EPB41L4A: variants seen among roughly 807,000 people sequenced by gnomAD.
The protein encoded by EPB41L4A is band 4.1-like protein 4A.
Under a neutral mutation model 108.6 loss-of-function variants are expected in EPB41L4A, and 100 were observed. The ratio of observed to expected loss-of-function variants is 0.92; its 90% confidence interval spans 0.78 to 1.09. EPB41L4A has a LOEUF of 1.09. EPB41L4A is among the 50% of genes least tolerant of loss of function. The pLI is 0.00. For missense variants in EPB41L4A, 1,030 were observed against 842.7 expected (o/e 1.22, Z -2.75); for synonymous variants, 319 against 289.0 (o/e 1.10, Z -1.05).
chr5:112,338,328 G>C (rs1282282257), intron 1 of EPB41L4A, among the ~76,000 whole-genome samples: 1 of 152,006 alleles, frequency 6.6e-6, no homozygotes, highest in Non-Finnish European at 1.5e-5. Context: ...TCTTTGTGGG[G>C]AGCCCTTTCT....
At chr5:112,231,270 G>T (rs1393837472) in intron 12 of EPB41L4A, among the ~76,000 whole-genome samples, 1 of 152,128 alleles carries the variant, frequency 6.6e-6, no homozygotes, top group African/African-American at 2.4e-5. Context: ...GTATTATTAA[G>T]TAAGAAAAGC....
intron 22 of EPB41L4A, among the ~76,000 whole-genome samples, chr5:112,167,019 C>A (rs1460287063): frequency 1.4e-5 from 2 of 146,608 alleles, no homozygotes; most frequent in Admixed American, 7.1e-5. Context: ...TTGTATCCCG[C>A]AAAGTGAAAG....
intron 1 of EPB41L4A, among the ~76,000 whole-genome samples, chr5:112,345,198 C>A (rs1757560258): frequency 6.6e-6 from 1 of 152,114 alleles, no homozygotes; most frequent in Non-Finnish European, 1.5e-5. Context: ...AGCATAGATT[C>A]TCGAATTAAA....
intron 15 of EPB41L4A, among the ~76,000 whole-genome samples, chr5:112,200,914 T>G (rs79658212): frequency 6.6e-6 from 1 of 152,182 alleles, no homozygotes; most frequent in Non-Finnish European, 1.5e-5. Context: ...ATAGGAAATT[T>G]TGACATCTAT....
At chr5:112,146,026 A>T (rs1000364111) in intron 12 of EPB41L4A, 2 of 455,676 alleles carry the variant, frequency 4.4e-6, no homozygotes, top group African/African-American at 2.0e-5. Flanking sequence ...TTGCTGTGAC[A>T]AGTGTCAAAC....
At chr5:112,165,149 T>C in intron 22 of EPB41L4A, 31 bp from the exon 23 acceptor site, 1 of 1,529,068 alleles carries the variant, frequency 6.5e-7, no homozygotes, top group Non-Finnish European at 9.0e-7. Context: ...GTAGAAAGAT[T>C]CAGAAGAAAA....
chr5:112,402,547 T>C (rs1476019584), intron 1 of EPB41L4A, among the ~76,000 whole-genome samples: 1 of 151,988 alleles, frequency 6.6e-6, no homozygotes, highest in East Asian at 1.9e-4. Context: ...AATTGGAATA[T>C]ACAGAGATTA....
chr5:112,337,149 T>C (rs1756969895), intron 1 of EPB41L4A, among the ~76,000 whole-genome samples: 1 of 152,228 alleles, frequency 6.6e-6, no homozygotes, highest in Admixed American at 6.5e-5. Flanking sequence ...GCATGTGTAC[T>C]GGGGCTCTTC....
chr5:112,227,585 C>T (rs2150350024), intron 12 of EPB41L4A, among the ~76,000 whole-genome samples: 1 of 152,280 alleles, frequency 6.6e-6, no homozygotes, highest in South Asian at 2.1e-4. Context: ...GCTGAACCAG[C>T]AAAGTACCAG....
Position 112,169,285 on chromosome 5 carries a change from A to G in EPB41L4A, c.1740-180T>C, listed in dbSNP as rs141110263. 3.1e-3 allele frequency among the ~76,000 whole-genome samples: 468 copies of G among 152,326 alleles called. 3 individuals carry two copies. The highest frequency in any genetic ancestry group is 0.011 in the African/African-American group (450 of 41,578). On this transcript the variant is annotated intron_variant, in intron 20 of 22. Coordinates refer to ENST00000261486, the MANE Select transcript of EPB41L4A (RefSeq NM_022140.5). ...TCACAAGAAAAATGCTCCCTTGACAATATGTGAAAATGAAGCTCTTTAAAG... is the reference window on the plus strand; with the variant it reads ...TCACAAGAAAAATGCTCCCTTGACAGTATGTGAAAATGAAGCTCTTTAAAG...
At chr5:112,251,231 A>G (rs894699221) in intron 9 of EPB41L4A, among the ~76,000 whole-genome samples, 2 of 152,172 alleles carry the variant, frequency 1.3e-5, no homozygotes, top group African/African-American at 4.8e-5. Flanking sequence ...AGGCAATACC[A>G]AACAAAACTA....
At chr5:112,191,175 T>C (rs1761679678) in intron 17 of EPB41L4A, among the ~76,000 whole-genome samples, 1 of 151,774 alleles carries the variant, frequency 6.6e-6, no homozygotes, top group African/African-American at 2.4e-5. Context: ...AAAGAAAGAA[T>C]AAAGTGGAAA....
intron 12 of EPB41L4A, among the ~76,000 whole-genome samples, chr5:112,229,611 T>C (rs917327398): frequency 6.6e-6 from 1 of 152,056 alleles, no homozygotes; most frequent in Non-Finnish European, 1.5e-5. Flanking sequence ...TTCTTATGCC[T>C]TTGTGTCCTC....
chr5:112,331,567 T>C (rs985938190), intron 1 of EPB41L4A, among the ~76,000 whole-genome samples: 3 of 152,212 alleles, frequency 2.0e-5, no homozygotes, highest in Non-Finnish European at 2.9e-5. Context: ...CAGAAATACT[T>C]GGTGCCTGGG....
chr5:112,408,464 A>C (rs1762212929), intron 1 of EPB41L4A, among the ~76,000 whole-genome samples: 1 of 152,140 alleles, frequency 6.6e-6, no homozygotes, highest in Admixed American at 6.5e-5. Context: ...CTGATAAGGA[A>C]CTTGCATTCA....
intron 13 of EPB41L4A, among the ~76,000 whole-genome samples, chr5:112,145,404 C>A (rs1312536969): frequency 6.6e-6 from 1 of 152,190 alleles, no homozygotes; most frequent in Non-Finnish European, 1.5e-5. Context: ...ACTGAAGAAA[C>A]TGCTAAATGA....
chr5:112,216,781 T>C (rs1452134545), intron 12 of EPB41L4A, among the ~76,000 whole-genome samples: 1 of 152,214 alleles, frequency 6.6e-6, no homozygotes, highest in Non-Finnish European at 1.5e-5. Flanking sequence ...ATTGAAAATA[T>C]ATTTTAGCTC....
intron 18 of EPB41L4A, among the ~76,000 whole-genome samples, chr5:112,176,002 A>T (rs1334636036): frequency 2.0e-5 from 3 of 152,098 alleles, no homozygotes; most frequent in Non-Finnish European, 4.4e-5. Context: ...GTCTCTAAGG[A>T]CTTTTTGTGA....
chr5:112,150,384 A>T (rs1189696475), intron 12 of EPB41L4A, among the ~76,000 whole-genome samples: 3 of 152,216 alleles, frequency 2.0e-5, no homozygotes, highest in African/African-American at 7.2e-5. Context: ...AGTGTGTTTC[A>T]TCTATTTCAA....
Sources: allele counts gnomAD v4.1 joint callset (sites outside exome capture counted in the v4.1 genomes callset), GRCh38; gene constraint gnomAD v4.1.1; transcripts MANE v1.5; gene names NCBI Gene and HGNC (gene_info 2026-07-23, HGNC 2026-07-21).